Variants in STARD9 observed in about 807,000 individuals in gnomAD.
STARD9 encodes the protein stAR-related lipid transfer protein 9.
Under a neutral mutation model 399.8 loss-of-function variants are expected in STARD9, and 346 were observed. The observed-to-expected ratio is 0.87, with a 90% CI of 0.79 to 0.95. The LOEUF (loss-of-function observed/expected upper bound fraction) is 0.95, where lower values mean the gene tolerates loss of function less well. Ranked by LOEUF, STARD9 falls within the 40% of genes least tolerant of loss-of-function variation. STARD9 has a pLI of 0.00. For missense variants in STARD9, 5,832 were observed against 5,667.5 expected (o/e 1.03, Z -0.93); for synonymous variants, 2,203 against 2,143.5 (o/e 1.03, Z -0.77).
intron 3 of STARD9, among the ~76,000 whole-genome samples, chr15:42,610,303 A>T (rs1424070718): frequency 6.6e-6 from 1 of 152,090 alleles, no homozygotes. Flanking sequence ...CCAGTGGGTT[A>T]TTAGCAGAAA....
intron 26 of STARD9, among the ~76,000 whole-genome samples, chr15:42,716,000 A>G (rs1310685044): frequency 6.6e-6 from 1 of 152,118 alleles, no homozygotes; most frequent in Non-Finnish European, 1.5e-5. Flanking sequence ...ATGAGGGTGG[A>G]TAGAGAACTG....
intron 3 of STARD9, among the ~76,000 whole-genome samples, chr15:42,628,196 A>T (rs1566886469): frequency 6.6e-6 from 1 of 152,146 alleles, no homozygotes; most frequent in African/African-American, 2.4e-5. Flanking sequence ...TGATGTTAAT[A>T]TATCTTTTTA....
rs2060037215 is a variant in STARD9 at position 42,663,848 on chromosome 15, T to C, written c.1107T>C (p.Ser369=). 1 of 1,537,030 alleles carries C rather than the reference T, an allele frequency of 6.5e-7. No homozygotes were observed. Among genetic ancestry groups the C allele is most frequent in the Non-Finnish European group, 8.7e-7 (1 of 1,146,686 alleles). The part of the protein sequence containing the change: ...ATVSPAHTSY[S]ETMSTLRYAS... Reference sequence around the variant, plus strand: ...TGTCTCCTGCACACACTAGCTACAGTGAGACCATGAGCACACTGAGATATG... The same window carrying C: ...TGTCTCCTGCACACACTAGCTACAGCGAGACCATGAGCACACTGAGATATG... The change falls in exon 13 of 33, where the codon AGT becomes AGC. Residue 369 remains serine, a synonymous_variant. Transcript: ENST00000290607.
chr15:42,625,143 C>T lies in STARD9; in HGVS notation c.235-9713C>T, dbSNP rs145413938. ...CCAGGTTCAAACGATTCTCCTGCCT[C>T]AGCCTCCCAAGTAGCTGGGATTACA... On this transcript the variant is annotated intron_variant, in intron 3 of 32. Coordinates refer to ENST00000290607, the MANE Select transcript of STARD9 (RefSeq NM_020759.3). 1.6e-4 allele frequency among the ~76,000 whole-genome samples: 24 copies of T among 152,080 alleles called. No individual in the cohort carries two copies. The East Asian group carries it at 4.7e-3, about 29-fold the overall frequency.
At chr15:42,627,319 T>G (rs1238148656) in intron 3 of STARD9, among the ~76,000 whole-genome samples, 1 of 152,034 alleles carries the variant, frequency 6.6e-6, no homozygotes, top group East Asian at 1.9e-4. Context: ...AAATTATGGG[T>G]ACATAGTAGG....
chr15:42,588,838 G>A (rs1297568376), intron 3 of STARD9, among the ~76,000 whole-genome samples: 1 of 112,260 alleles, frequency 8.9e-6, no homozygotes, highest in East Asian at 2.9e-4. Context: ...GGGGGTGTGT[G>A]GACAGAGTCT....
At chr15:42,599,930 G>A (rs181939708) in intron 3 of STARD9, among the ~76,000 whole-genome samples, 64 of 152,296 alleles carry the variant, frequency 4.2e-4, no homozygotes, top group African/African-American at 1.5e-3. Flanking sequence ...AGTACTTAAG[G>A]AATCCAGAAG....
At chr15:42,584,677 G>A (rs1027032712) in intron 2 of STARD9, among the ~76,000 whole-genome samples, 4 of 152,242 alleles carry the variant, frequency 2.6e-5, no homozygotes, top group Admixed American at 2.6e-4. Context: ...CCAAGCTCTG[G>A]TTCTACTCTC....
rs55808206 is a variant in STARD9 at position 42,712,111 on chromosome 15, A to ATTATATATATAATATATT, written c.13285-4566_13285-4565insTTATATATATAATATATT. 3.1e-3 allele frequency among the ~76,000 whole-genome samples: 10 copies of ATTATATATATAATATATT among 3,182 alleles called. 2 individuals are homozygous for ATTATATATATAATATATT. The highest frequency in any genetic ancestry group is 0.019 in the African/African-American group (10 of 528). The allele number at this position is 3,182 out of a possible 152,430, so 2.1% of individuals were successfully genotyped here. On this transcript the variant is annotated intron_variant, in intron 26 of 32. Coordinates refer to ENST00000290607, the MANE Select transcript of STARD9 (RefSeq NM_020759.3). Reference sequence around the variant, plus strand: ...TATATATATATAATATATAATATATAATATATAATATATATATAAATGTGC... The same window carrying ATTATATATATAATATATT: ...TATATATATATAATATATAATATATATTATATATATAATATATTATATATAATATATATATAAATGTGC...
intron 3 of STARD9, among the ~76,000 whole-genome samples, chr15:42,629,052 C>T (rs1193120134): frequency 2.0e-5 from 3 of 152,058 alleles, no homozygotes; most frequent in East Asian, 1.9e-4. Flanking sequence ...CAGTCTCTTG[C>T]TCTGTTTTCC....
chr15:42,714,105 C>CTGGGAAAA (rs2061306810), intron 26 of STARD9, among the ~76,000 whole-genome samples: 2 of 147,622 alleles, frequency 1.4e-5, no homozygotes, highest in Non-Finnish European at 3.0e-5. Flanking sequence ...CTCTGTCCCC[C>CTGGGAAAA]AGGCTGGAGG....
At chr15:42,696,006 A>G in intron 26 of STARD9, 126 bp downstream of exon 26, 1 of 988,726 alleles carries the variant, frequency 1.0e-6, no homozygotes, top group South Asian at 1.8e-5. Flanking sequence ...TGCTGACATG[A>G]GCCCTTCTTA....
rs769278000 is a variant in STARD9, at chr15:42,685,034, TGAGAA to T, written c.3460_3464del (p.Lys1154ValfsTer25). On this transcript the variant is annotated frameshift_variant, in exon 23 of 33. Coordinates refer to ENST00000290607, the MANE Select transcript of STARD9 (RefSeq NM_020759.3). LOFTEE classifies it high-confidence loss of function. ...GCCAACTATCTGAGGACTCACTGGCTGAGAAGAGGTACCAAAGCCCCAAAAACAGG... is the reference window on the plus strand; with the variant it reads ...GCCAACTATCTGAGGACTCACTGGCTGAGGTACCAAAGCCCCAAAAACAGG... 1.3e-6 allele frequency: 2 copies of T among 1,537,082 alleles called. No homozygotes were observed. The highest frequency in any genetic ancestry group is 1.2e-5 in the South Asian group (1 of 84,056).
At chr15:42,677,779 G>C (rs1455853400) in intron 20 of STARD9, among the ~76,000 whole-genome samples, 2 of 152,162 alleles carry the variant, frequency 1.3e-5, no homozygotes, top group Non-Finnish European at 2.9e-5. Flanking sequence ...GATTGAAAGA[G>C]CGAGTATATA....
In STARD9 at chr15:42,665,316, C is replaced by G. The variant is rs2060074228; in HGVS notation, c.1240C>G (p.Leu414Val). Residue 414 changes from leucine to valine, a missense_variant, in exon 14 of 33, where the codon CTG (leucine) becomes GTG (valine). By Grantham distance (32) the Leu-to-Val change is conservative. This residue lies in a region of STARD9 where 5,828 missense variants were observed against 5,651.1 expected (regional missense o/e 1.03). Transcript: ENST00000290607. ...GATTGAAAGACTGAAAGCCCTGCTGCTGAGCTTTGAACTGGTATGCAGACA... is the reference window on the plus strand; with the variant it reads ...GATTGAAAGACTGAAAGCCCTGCTGGTGAGCTTTGAACTGGTATGCAGACA... ...EEIERLKALL[L>V]SFELRNFSSL... 6.5e-7 allele frequency: 1 copy of G among 1,536,940 alleles called. No individual in the cohort carries two copies. Among genetic ancestry groups the G allele is most frequent in the Non-Finnish European group, 8.7e-7 (1 of 1,146,754 alleles).
intron 3 of STARD9, among the ~76,000 whole-genome samples, chr15:42,626,096 AT>A (rs1205975624): frequency 1.3e-5 from 2 of 151,430 alleles, no homozygotes; most frequent in Non-Finnish European, 2.9e-5. Context: ...TAATTGTTGT[AT>A]TTTTTAGTAG....
At chr15:42,624,006 C>T (rs895375181) in intron 3 of STARD9, among the ~76,000 whole-genome samples, 2 of 152,144 alleles carry the variant, frequency 1.3e-5, no homozygotes, top group African/African-American at 4.8e-5. Flanking sequence ...GGTAGAGACC[C>T]AAAGATGAAT....
Position 42,639,347 on chromosome 15 carries a change from C to T in STARD9, c.559+535C>T, listed in dbSNP as rs935836187. On this transcript the variant is annotated intron_variant, in intron 7 of 32. Coordinates refer to ENST00000290607, the MANE Select transcript of STARD9 (RefSeq NM_020759.3). The stretch of plus-strand genomic sequence containing the variant: ...TCTGCAGGCGCCCAATATGGCATGG[C>T]CTCTACTGGTTCCCTGGTAAACCAG... Among the ~76,000 whole-genome samples the T allele has an allele frequency of 4.6e-5, 7 of 152,114 alleles. No individual in the cohort carries two copies. The East Asian group carries it at 1.3e-3, about 29-fold the overall frequency.
Position 42,691,621 on chromosome 15 carries a change from C to T in STARD9, c.10043C>T (p.Thr3348Ile). The T allele has an allele frequency of 6.5e-7, 1 of 1,537,270 alleles. No homozygotes were observed. The highest frequency in any genetic ancestry group is 8.7e-7 in the Non-Finnish European group (1 of 1,146,914). ...TTGAGTGTGGAGCCTCCTTCCCCTA[C>T]AGACGAAGATACACAGGGGCCTAAC... Reference protein sequence around the residue: ...LNLSVEPPSPTDEDTQGPNRL... With the variant: ...LNLSVEPPSPIDEDTQGPNRL... Residue 3348 changes from threonine to isoleucine, a missense_variant, in exon 23 of 33, where the codon ACA becomes ATA. Thr to Ile is a moderately conservative substitution (Grantham distance 89, BLOSUM62 -1). Transcript: ENST00000290607.
Sources: gnomAD v4.1 joint callset for allele counts (sites outside exome capture counted in the v4.1 genomes callset) on GRCh38, gnomAD v4.1.1 for gene constraint, gnomAD v4.1.1 regional missense constraint, MANE v1.5 for transcripts, NCBI Gene and HGNC (gene_info 2026-07-23, HGNC 2026-07-21) for gene names.